Variants in CCT2 observed in about 807,000 individuals in gnomAD.
The protein encoded by CCT2 is chaperonin containing TCP1 subunit 2, also known as T-complex protein 1 subunit beta.
Under a neutral mutation model 61.8 loss-of-function variants are expected in CCT2, and 18 were observed. The ratio of observed to expected loss-of-function variants is 0.29; its 90% CI spans 0.20 to 0.43. CCT2 has a LOEUF of 0.43. Among genes scored for constraint, CCT2 ranks in the 20% least tolerant of loss-of-function variants. The probability of loss-of-function intolerance (pLI) is 1.00; values close to 1 mark genes in which losing one functional copy is unlikely to be tolerated. For missense variants in CCT2, 556 were observed against 656.9 expected, an observed-to-expected ratio of 0.85 and a Z score of 1.68; for synonymous variants, 248 against 215.9, an observed-to-expected ratio of 1.15 and a Z score of -1.30.
At position 69,585,543 on chromosome 12, in the gene CCT2, C is replaced by T; in HGVS notation, c.3+19C>T. On this transcript the variant is annotated intron_variant, in intron 1 of 15. Coordinates refer to ENST00000299300, the MANE Select transcript of CCT2 (RefSeq NM_006431.3). ...AACCATGGTGAGCCTGACTCCCCTG[C>T]CTCTTGCCCTACCCCTGCTCCGCCG... The T allele has an allele frequency of 6.4e-7, 1 of 1,571,044 alleles. No individual in the cohort carries two copies. The highest frequency in any genetic ancestry group is 8.6e-7 in the Non-Finnish European group (1 of 1,157,104).
At position 69,592,010 on chromosome 12, in the gene CCT2, A is replaced by G. The variant is rs749623839; in HGVS notation, c.650-49A>G. 4 of 1,037,558 alleles carry G rather than the reference A, an allele frequency of 3.9e-6. No homozygotes were observed. In the African/African-American group the frequency reaches 4.8e-5, roughly 12 times the overall value. The allele number at this position is 1,037,558 out of a possible 1,614,324, so 64.3% of individuals were successfully genotyped here. ...AGACAGCTTTTTATAAGATTTACTA[A>G]GGCTGCTTTGAAGTATTAAATATGA... On this transcript the variant is annotated intron_variant, in intron 7 of 15. Transcript: ENST00000299300.
At chr12:69,588,407 C>T (rs1593095295) in intron 6 of CCT2, 145 bp downstream of exon 6, 3 of 612,342 alleles carry the variant, frequency 4.9e-6, no homozygotes, top group East Asian at 2.8e-5. Context: ...CCTACATCAG[C>T]CTCCAGAGAT....
chr12:69,597,862 G>A, intron 12 of CCT2, 96 bp downstream of exon 12: 1 of 1,411,826 alleles, frequency 7.1e-7, no homozygotes, highest in Non-Finnish European at 9.8e-7. Context: ...ATCTTATATT[G>A]CTTTTGCACT....
chr12:69,598,282 C>A, intron 13 of CCT2, 40 bp from the exon 14 acceptor site: 1 of 1,377,840 alleles, frequency 7.3e-7, no homozygotes, highest in Non-Finnish European at 1.0e-6. Context: ...GTGGTTCTTA[C>A]AGTAGAGTGA....
At chr12:69,601,003 C>T (rs1273357934) in intron 15 of CCT2, among the ~76,000 whole-genome samples, 2 of 152,116 alleles carry the variant, frequency 1.3e-5, no homozygotes, top group African/African-American at 4.8e-5. Context: ...GAGGAGGGGG[C>T]TGAGTGGCTA....
intron 1 of CCT2, 156 bp from the exon 2 acceptor site, chr12:69,586,114 T>C (rs371194743): frequency 4.5e-5 from 52 of 1,161,562 alleles, no homozygotes; most frequent in Admixed American, 2.9e-4. Flanking sequence ...CCCACTTAAA[T>C]GCTTTCTCCG....
intron 9 of CCT2, 116 bp from the exon 10 acceptor site, chr12:69,593,394 T>C (rs1881894808): frequency 1.4e-6 from 1 of 692,294 alleles, no homozygotes; most frequent in Admixed American, 2.9e-5. Flanking sequence ...AAATGCAATC[T>C]TGTTCTAATT....
At chr12:69,600,662 C>CG (rs1882122640) in intron 15 of CCT2, among the ~76,000 whole-genome samples, 1 of 152,010 alleles carries the variant, frequency 6.6e-6, no homozygotes, top group Non-Finnish European at 1.5e-5. Context: ...TCCTAGTCCC[C>CG]CCATAAGCTA....
At chr12:69,597,109 A>G (rs764975654) in intron 10 of CCT2, 47 bp from the exon 11 acceptor site, 3 of 1,590,478 alleles carry the variant, frequency 1.9e-6, no homozygotes, top group Non-Finnish European at 1.7e-6. Flanking sequence ...GAAAACAGGA[A>G]TTTTAAGCCT....
Position 69,597,282 on chromosome 12 carries a change from G to C in CCT2, c.1102+7G>C, listed in dbSNP as rs1882019427. 1 of 1,613,492 alleles carries C rather than the reference G, an allele frequency of 6.2e-7. No individual in the cohort carries two copies. Among genetic ancestry groups the C allele is most frequent in the Non-Finnish European group, 8.5e-7 (1 of 1,179,758 alleles). ...TTTTCTGGGGTTGCCCTTGGTGAGT[G>C]ATTATGTAGATCCTGGTTAGGGTGT... is the stretch of plus-strand genomic sequence containing the variant. On this transcript the variant is annotated splice_region_variant and intron_variant, in intron 11 of 15. Coordinates refer to ENST00000299300, the MANE Select transcript of CCT2 (RefSeq NM_006431.3).
chr12:69,600,635 C>G (rs1487349222), intron 15 of CCT2, among the ~76,000 whole-genome samples: 1 of 151,242 alleles, frequency 6.6e-6, no homozygotes, highest in East Asian at 2.0e-4. Context: ...CTTCATAACT[C>G]TTGACAATGG....
rs762267961 is a variant in CCT2 at position 69,588,304 on chromosome 12, C to T, written c.446+42C>T. On this transcript the variant is annotated intron_variant, in intron 6 of 15. Transcript: ENST00000299300. Reference sequence around the variant, plus strand: ...ACTACTGTTCTAAACATTTAGTGTTCTTTCATAACATGCTTAATGCAAGAA... The same window carrying T: ...ACTACTGTTCTAAACATTTAGTGTTTTTTCATAACATGCTTAATGCAAGAA... The T allele has an allele frequency of 1.2e-5, 16 of 1,362,742 alleles. 1 individual carries two copies. The highest frequency in any genetic ancestry group is 5.9e-5 in the South Asian group (5 of 84,792). 84.4% of individuals were successfully genotyped at this position (1,362,742 alleles called of 1,614,324 possible). A position where few individuals can be genotyped will look rare whatever the true frequency, so the allele number is the denominator to read the frequency against.
chr12:69,591,604 A>G (rs1027312467), intron 7 of CCT2, among the ~76,000 whole-genome samples: 2 of 152,246 alleles, frequency 1.3e-5, no homozygotes, highest in African/African-American at 4.8e-5. Context: ...ATCTGAAACA[A>G]AAGTTTCAAA....
intron 1 of CCT2, 47 bp from the exon 2 acceptor site, chr12:69,586,223 T>TA (rs768854556): frequency 8.0e-6 from 11 of 1,382,536 alleles, no homozygotes; most frequent in Admixed American, 1.7e-5. Context: ...GTGTATGTGT[T>TA]AGAGTATTGG....
chr12:69,601,137 A>G (rs1375624800), intron 15 of CCT2, among the ~76,000 whole-genome samples, 158 bp from the exon 16 acceptor site: 1 of 152,218 alleles, frequency 6.6e-6, no homozygotes, highest in East Asian at 1.9e-4. Flanking sequence ...TTGGGGATTC[A>G]GTTTCAATGT....
In CCT2 at chr12:69,598,347, C is replaced by T; in HGVS notation, c.1361C>T (p.Ala454Val). The T allele has an allele frequency of 6.3e-7, 1 of 1,592,544 alleles. No homozygotes were observed. The change falls in exon 14 of 16, where the codon GCA (alanine) becomes GTA (valine). Residue 454 changes from alanine (A) to valine (V), a missense_variant. By Grantham distance (64) the Ala-to-Val change is moderately conservative. Coordinates refer to ENST00000299300, the MANE Select transcript of CCT2 (RefSeq NM_006431.3). The part of the protein sequence containing the change: ...RMLPTIIADN[A>V]GYDSADLVAQ... ...TTGCCAACCATCATAGCTGACAATG[C>T]AGGCTATGACAGTGCAGACCTGGTG...
intron 7 of CCT2, among the ~76,000 whole-genome samples, chr12:69,590,729 T>TTG (rs1881811033): frequency 6.6e-6 from 1 of 151,558 alleles, no homozygotes; most frequent in Non-Finnish European, 1.5e-5. Flanking sequence ...CTTTTTTTTT[T>TTG]TTTTTGAGAC....
At chr12:69,597,610 A>C (rs757444604) in intron 11 of CCT2, 28 bp from the exon 12 acceptor site, 1 of 1,607,096 alleles carries the variant, frequency 6.2e-7, no homozygotes, top group Admixed American at 1.7e-5. Context: ...TTTTATCCCT[A>C]AGTGGTCACT....
intron 10 of CCT2, among the ~76,000 whole-genome samples, chr12:69,596,019 C>T (rs1027435978): frequency 6.6e-6 from 1 of 152,136 alleles, no homozygotes; most frequent in African/African-American, 2.4e-5. Flanking sequence ...TATGATGGTG[C>T]CTGGTGAATA....
Sources: allele counts gnomAD v4.1 joint callset (sites outside exome capture counted in the v4.1 genomes callset), GRCh38; gene constraint gnomAD v4.1.1; transcripts MANE v1.5; gene names NCBI Gene and HGNC (gene_info 2026-07-23, HGNC 2026-07-21).